The following ADARB1 variants were observed in gnomAD, a reference collection of about 807,000 sequenced individuals.
The protein encoded by ADARB1 is adenosine deaminase RNA specific B1.
A neutral mutation model predicts 52.4 loss-of-function variants in ADARB1; 10 were observed. That is an observed-to-expected ratio of 0.19 (90% CI 0.12 to 0.32). The LOEUF is 0.32. Ranked by LOEUF, ADARB1 falls within the 10% of genes least tolerant of loss-of-function variation. The pLI is 1.00. For synonymous variants in ADARB1, 349 were observed against 371.1 expected (o/e 0.94, Z 0.68); for missense variants, 643 against 922.3 (o/e 0.70, Z 3.92).
At chr21:45,173,438 C>T (rs1246260272) in intron 3 of ADARB1, among the ~76,000 whole-genome samples, 1 of 151,912 alleles carries the variant, frequency 6.6e-6, no homozygotes, top group Non-Finnish European at 1.5e-5. Flanking sequence ...TCAGTGTGCC[C>T]CTGAGGTGAA....
intron 1 of ADARB1, among the ~76,000 whole-genome samples, chr21:45,121,254 A>G (rs2088164483): frequency 1.3e-5 from 2 of 152,154 alleles, no homozygotes; most frequent in Non-Finnish European, 2.9e-5. Context: ...TTTTTGCTAC[A>G]TATTCTTTCT....
intron 8 of ADARB1, among the ~76,000 whole-genome samples, chr21:45,203,000 G>A (rs1453380535): frequency 6.6e-6 from 1 of 151,738 alleles, no homozygotes; most frequent in Non-Finnish European, 1.5e-5. Context: ...GTCTTCCCCT[G>A]CAGCGTGTGC....
chr21:45,179,930 G>T (rs1404163814), intron 4 of ADARB1, among the ~76,000 whole-genome samples: 1 of 152,106 alleles, frequency 6.6e-6, no homozygotes, highest in East Asian at 1.9e-4. Context: ...GTGAGAGAGG[G>T]CAAGGGGGGT....
At chr21:45,201,084 G>C (rs1426634831) in intron 8 of ADARB1, among the ~76,000 whole-genome samples, 1 of 152,236 alleles carries the variant, frequency 6.6e-6, no homozygotes, top group Non-Finnish European at 1.5e-5. Context: ...CACGCTGTGA[G>C]TGGGCACCTC....
intron 9 of ADARB1, among the ~76,000 whole-genome samples, chr21:45,207,346 G>A (rs1006313219): frequency 1.3e-5 from 2 of 152,178 alleles, no homozygotes; most frequent in Admixed American, 6.5e-5. Context: ...ACCTTTAGAC[G>A]AGGACTCCTG....
At chr21:45,169,088 C>G (rs1239325839) in intron 2 of ADARB1, among the ~76,000 whole-genome samples, 1 of 152,216 alleles carries the variant, frequency 6.6e-6, no homozygotes, top group East Asian at 1.9e-4. Flanking sequence ...CCATCTGGAG[C>G]CTTCACTGGC....
chr21:45,204,422 GTTGC>G lies in ADARB1; in HGVS notation c.1566-132_1566-129del. 1 of 782,252 alleles carries G rather than the reference GTTGC, an allele frequency of 1.3e-6. No homozygotes were observed. Among genetic ancestry groups the G allele is most frequent in the Non-Finnish European group, 2.1e-6 (1 of 487,310 alleles). The allele number at this position is 782,252 out of a possible 1,614,324, so 48.5% of individuals were successfully genotyped here. On this transcript the variant is annotated intron_variant, in intron 8 of 10. Coordinates refer to ENST00000348831, the MANE Select transcript of ADARB1 (RefSeq NM_001112.4). The surrounding 1 kb of genome is among the most constrained non-coding windows in gnomAD (Gnocchi z 4.4). ...TGCTAAATCAGTCTGTTAACTTTTT[GTTGC>G]ACTCCTTCGTCAGTTGGTTGGGATC...
chr21:45,159,324 G>GT (rs1263663738), intron 2 of ADARB1, among the ~76,000 whole-genome samples: 1 of 152,144 alleles, frequency 6.6e-6, no homozygotes, highest in Non-Finnish European at 1.5e-5. Context: ...CACGAGAACA[G>GT]TATGGGGGAA....
chr21:45,131,126 A>G (rs1170389469), intron 2 of ADARB1, among the ~76,000 whole-genome samples: 1 of 152,246 alleles, frequency 6.6e-6, no homozygotes, highest in Non-Finnish European at 1.5e-5. Context: ...CTGAAATGTA[A>G]TATAAAGAGA....
Position 45,183,372 on chromosome 21 carries a change from G to C in ADARB1, c.1258G>C (p.Asp420His), listed in dbSNP as rs775659792. The C allele has an allele frequency of 1.3e-6, 2 of 1,598,982 alleles. No individual in the cohort carries two copies. Among genetic ancestry groups the C allele is most frequent in the Admixed American group, 1.8e-5 (1 of 55,540 alleles). Reference sequence around the variant, plus strand: ...CTTTTTTCCTTTCAGTAACAAAGATGATCAAAAAAGATCCATCTTTCAGAA... The same window carrying C: ...CTTTTTTCCTTTCAGTAACAAAGATCATCAAAAAAGATCCATCTTTCAGAA... ...QLELYLNNKDDQKRSIFQKSE... is the reference protein window; with the variant it reads ...QLELYLNNKDHQKRSIFQKSE... The change falls in exon 7 of 11, where the codon GAT becomes CAT. Residue 420 changes from aspartate to histidine, a missense_variant. By Grantham distance (81) the Asp-to-His change is moderately conservative. Around this residue, in one of 2 missense-constraint regions of ADARB1, gnomAD observed 263 missense variants for 475.8 expected, o/e 0.55. Transcript: ENST00000348831.
intron 8 of ADARB1, among the ~76,000 whole-genome samples, chr21:45,188,732 A>G (rs761277143): frequency 6.6e-6 from 1 of 151,962 alleles, no homozygotes; most frequent in Non-Finnish European, 1.5e-5. Flanking sequence ...TGTTTTCTAT[A>G]TGCTTGTAGC....
intron 2 of ADARB1, chr21:45,146,430 A>G (rs1047515448): frequency 6.6e-6 from 1 of 152,262 alleles, no homozygotes; most frequent in African/African-American, 2.4e-5. Context: ...GGAAGTTGCA[A>G]GGCAACCTGG....
Position 45,182,615 on chromosome 21 carries a change from G to A in ADARB1, c.1109G>A (p.Ser370Asn). ...GTDVKDAKVI[S>N]VSTGTKCING... Reference sequence around the variant, plus strand: ...GATGTTAAAGATGCCAAGGTGATAAGTGTTTCTACAGGAACAAAATGTATT... The same window carrying A: ...GATGTTAAAGATGCCAAGGTGATAAATGTTTCTACAGGAACAAAATGTATT... Residue 370 changes from serine (S) to asparagine (N), a missense_variant, in exon 6 of 11, where the codon AGT (serine) becomes AAT (asparagine). Transcript: ENST00000348831. The A allele has an allele frequency of 6.2e-7, 1 of 1,600,002 alleles. No homozygotes were observed. The highest frequency in any genetic ancestry group is 8.5e-7 in the Non-Finnish European group (1 of 1,176,060).
intron 1 of ADARB1, among the ~76,000 whole-genome samples, chr21:45,115,223 G>C (rs62216599): frequency 0.026 from 3,922 of 152,338 alleles, 70 homozygotes; most frequent in Non-Finnish European, 0.04. Context: ...TGGGCATGAG[G>C]AGGTGGTCTG....
At chr21:45,122,978 T>C (rs1171466634) in intron 1 of ADARB1, among the ~76,000 whole-genome samples, 2 of 152,226 alleles carry the variant, frequency 1.3e-5, no homozygotes, top group East Asian at 3.8e-4. Context: ...AGTTGTTTCA[T>C]ATGGTTGATC....
In ADARB1 at chr21:45,198,495, AAT is replaced by A. The variant is rs1569156172; in HGVS notation, c.1566-6059_1566-6058del. On this transcript the variant is annotated intron_variant, in intron 8 of 10. Coordinates refer to ENST00000348831, the MANE Select transcript of ADARB1 (RefSeq NM_001112.4). ...GAATAGAACTCTGCCTATTAAATTA[AAT>A]CACACACACACACACACACACACAT... Among the ~76,000 whole-genome samples the A allele has an allele frequency of 1.8e-4, 17 of 96,936 alleles. 1 individual carries two copies. The South Asian group carries it at 2.0e-3, about 11-fold the overall frequency. The allele number at this position is 96,936 out of a possible 152,430, so 63.6% of individuals were successfully genotyped here. A position where few individuals can be genotyped will look rare whatever the true frequency, so the allele number is the denominator to read the frequency against.
At chr21:45,127,130 G>A (rs2088632039) in intron 1 of ADARB1, among the ~76,000 whole-genome samples, 1 of 152,198 alleles carries the variant, frequency 6.6e-6, no homozygotes, top group Non-Finnish European at 1.5e-5. Flanking sequence ...CGGGGCCCTT[G>A]CTCTCTGCCC....
At chr21:45,183,279 A>G (rs1337306195) in intron 6 of ADARB1, 83 bp from the exon 7 acceptor site, 1 of 1,337,044 alleles carries the variant, frequency 7.5e-7, no homozygotes, top group Non-Finnish European at 1.0e-6. Flanking sequence ...CCCTTGTGGA[A>G]AATACTAGCC....
intron 1 of ADARB1, among the ~76,000 whole-genome samples, chr21:45,085,803 T>C (rs1340642566): frequency 6.6e-6 from 1 of 152,268 alleles, no homozygotes; most frequent in Non-Finnish European, 1.5e-5. Flanking sequence ...GAATTGATTC[T>C]GTTGACACAG....
Sources: gnomAD v4.1 joint callset for allele counts (sites outside exome capture counted in the v4.1 genomes callset) on GRCh38, gnomAD v4.1.1 for gene constraint, gnomAD v4.1.1 regional missense constraint, Gnocchi (gnomAD v3.1) non-coding constraint, MANE v1.5 for transcripts, NCBI Gene and HGNC (gene_info 2026-07-23, HGNC 2026-07-21) for gene names.